Variants in PEAK1 observed in about 807,000 individuals in gnomAD.
The protein encoded by PEAK1 is pseudopodium enriched atypical kinase 1, also known as inactive tyrosine-protein kinase PEAK1.
Under a neutral mutation model 124.7 loss-of-function variants are expected in PEAK1, and 54 were observed. That is an observed-to-expected ratio of 0.43 (90% CI 0.35 to 0.54). The LOEUF is 0.54. Ranked by LOEUF, PEAK1 falls within the 20% of genes least tolerant of loss-of-function variation. The pLI, the probability that PEAK1 is intolerant of heterozygous loss-of-function variation, is 0.01. For missense variants in PEAK1, 2,046 were observed against 2,134.5 expected (o/e 0.96, Z 0.82); for synonymous variants, 719 against 760.0 (o/e 0.95, Z 0.89).
At chr15:77,419,385 G>A (rs2073170786) in intron 1 of PEAK1, 2 of 985,204 alleles carry the variant, frequency 2.0e-6, no homozygotes, top group Non-Finnish European at 1.2e-6. Flanking sequence ...TGGGTCAAAG[G>A]GCAGAAAAGA....
intron 6 of PEAK1, among the ~76,000 whole-genome samples, chr15:77,183,287 T>G (rs1274292609): frequency 6.6e-6 from 1 of 152,220 alleles, no homozygotes; most frequent in Non-Finnish European, 1.5e-5. Context: ...AATGGAGAGA[T>G]GAGTAGCTAT....
intron 1 of PEAK1, among the ~76,000 whole-genome samples, chr15:77,376,563 C>T (rs771109463): frequency 7.2e-5 from 11 of 152,272 alleles, no homozygotes; most frequent in Admixed American, 2.0e-4. Context: ...CAGCCTCTTT[C>T]TGGAAACATT....
In PEAK1 at chr15:77,180,003, T is replaced by C; in HGVS notation, c.1924A>G (p.Lys642Glu). 6.2e-7 allele frequency: 1 copy of C among 1,614,148 alleles called. No homozygotes were observed. The highest frequency in any genetic ancestry group is 2.2e-5 in the East Asian group (1 of 44,892). ...TCTCCACTTGTTCCCAGAAAACTTT[T>C]GTAGATAGCTAGATTGTCATATGCA... The part of the protein sequence containing the change: ...PNAYDNLAIY[K>E]SFLGTSGELS... The change falls in exon 7 of 10, where the codon AAA becomes GAA. Residue 642 changes from lysine to glutamate, a missense_variant. Physicochemically the swap from Lys to Glu is moderately conservative, Grantham distance 56 (BLOSUM62 1). Transcript: ENST00000682557.
chr15:77,257,557 C>T (rs1479648913), intron 5 of PEAK1, among the ~76,000 whole-genome samples: 1 of 151,428 alleles, frequency 6.6e-6, no homozygotes, highest in Non-Finnish European at 1.5e-5. Context: ...GTCCTTCGCC[C>T]ACTTTTTGAT....
At chr15:77,212,224 G>A (rs942309072) in intron 6 of PEAK1, among the ~76,000 whole-genome samples, 12 of 152,250 alleles carry the variant, frequency 7.9e-5, no homozygotes, top group African/African-American at 2.9e-4. Context: ...AAGCCATTAG[G>A]GTGCCTAAGC....
At chr15:77,169,607 T>C (rs2056365350) in intron 7 of PEAK1, among the ~76,000 whole-genome samples, 2 of 152,184 alleles carry the variant, frequency 1.3e-5, no homozygotes, top group African/African-American at 4.8e-5. Flanking sequence ...TACTTGGCTG[T>C]TCTAAAGCGA....
chr15:77,209,068 C>T (rs1313545675), intron 6 of PEAK1, among the ~76,000 whole-genome samples: 1 of 152,126 alleles, frequency 6.6e-6, no homozygotes, highest in African/African-American at 2.4e-5. Flanking sequence ...GATTCAACTA[C>T]TTACTGGCAT....
intron 2 of PEAK1, among the ~76,000 whole-genome samples, chr15:77,342,288 A>G (rs942966334): frequency 6.6e-6 from 1 of 151,956 alleles, no homozygotes; most frequent in Non-Finnish European, 1.5e-5. Flanking sequence ...CAAATCTGAA[A>G]CTTATACCCA....
At chr15:77,380,594 T>A (rs1210710471) in intron 1 of PEAK1, among the ~76,000 whole-genome samples, 3 of 152,098 alleles carry the variant, frequency 2.0e-5, no homozygotes, top group African/African-American at 7.2e-5. Flanking sequence ...TCCTCCCACC[T>A]CAGCCTCCCA....
intron 2 of PEAK1, chr15:77,347,100 A>C: frequency 1.8e-6 from 1 of 561,450 alleles, no homozygotes; most frequent in Non-Finnish European, 2.3e-6. Flanking sequence ...AAGGAGTAGA[A>C]GACTTGCAAG....
rs1364169839 is a variant in PEAK1 at position 77,262,826 on chromosome 15, A to G, written c.-274-10300T>C. On this transcript the variant is annotated intron_variant, in intron 5 of 9. Transcript: ENST00000682557. The stretch of plus-strand genomic sequence containing the variant: ...TTTTTTTCAGCACCACACCACACCT[A>G]TTCCAAAATTGACCACATAGTTGGA... Among the ~76,000 whole-genome samples, 3 of 152,252 alleles carry G rather than the reference A, an allele frequency of 2.0e-5. No individual in the cohort carries two copies. In the East Asian group the frequency reaches 5.8e-4, roughly 29 times the overall value.
chr15:77,301,610 A>G (rs1001594548), intron 2 of PEAK1, among the ~76,000 whole-genome samples: 1 of 152,188 alleles, frequency 6.6e-6, no homozygotes, highest in Non-Finnish European at 1.5e-5. Context: ...CCACACAGGT[A>G]AAGTGTCATT....
At chr15:77,360,681 A>C (rs2067832584) in intron 2 of PEAK1, among the ~76,000 whole-genome samples, 1 of 152,174 alleles carries the variant, frequency 6.6e-6, no homozygotes, top group Non-Finnish European at 1.5e-5. Flanking sequence ...CTATGTGTGA[A>C]TTTTGGTATA....
intron 2 of PEAK1, among the ~76,000 whole-genome samples, chr15:77,338,279 T>C (rs1358252829): frequency 6.6e-6 from 1 of 152,202 alleles, no homozygotes; most frequent in Non-Finnish European, 1.5e-5. Context: ...TTCATCAGCA[T>C]AAATAATTAG....
intron 2 of PEAK1, among the ~76,000 whole-genome samples, chr15:77,289,704 C>CGCTTCAGCCTGGGCA (rs2063115118): frequency 6.6e-6 from 1 of 151,998 alleles, no homozygotes; most frequent in African/African-American, 2.4e-5. Context: ...GGCATGGTGG[C>CGCTTCAGCCTGGGCA]ACAAGCCTGT....
chr15:77,185,167 T>C (rs1205953120), intron 6 of PEAK1, among the ~76,000 whole-genome samples: 1 of 152,216 alleles, frequency 6.6e-6, no homozygotes, highest in Non-Finnish European at 1.5e-5. Flanking sequence ...CAAATGATTA[T>C]GGAGCCATTT....
At position 77,320,883 on chromosome 15, in the gene PEAK1, C is replaced by T. The variant is rs556916068; in HGVS notation, c.-602-34379G>A. On this transcript the variant is annotated intron_variant, in intron 2 of 9. Coordinates refer to ENST00000682557, the MANE Select transcript of PEAK1 (RefSeq NM_001385026.1). ...GTCCATGTGTTCTCATTGTTCAATT[C>T]CCACCTATGAGTGAGAGCATGCGGT... Among the ~76,000 whole-genome samples, 62 of 150,922 alleles carry T rather than the reference C, an allele frequency of 4.1e-4. 2 individuals carry two copies. Among genetic ancestry groups the T allele is most frequent in the African/African-American group, 1.4e-3 (57 of 41,144 alleles).
In PEAK1 at chr15:77,181,124, C is replaced by T. The variant is rs770789027; in HGVS notation, c.803G>A (p.Gly268Glu). 1 of 1,614,146 alleles carries T rather than the reference C, an allele frequency of 6.2e-7. No individual in the cohort carries two copies. The highest frequency in any genetic ancestry group is 1.1e-5 in the South Asian group (1 of 91,076). Reference protein sequence around the residue: ...ELLAMEIRMRGQPRFANFRAN... With the variant: ...ELLAMEIRMREQPRFANFRAN... The stretch of plus-strand genomic sequence containing the variant: ...TCTGAAGTTGGCAAAGCGAGGTTGC[C>T]CTCTCATGCGAATCTCCATGGCCAA... The change falls in exon 7 of 10, where the codon GGG (glycine) becomes GAG (glutamate). Residue 268 changes from glycine (G) to glutamate (E), a missense_variant. Coordinates refer to ENST00000682557, the MANE Select transcript of PEAK1 (RefSeq NM_001385026.1).
rs529630962 is a variant in PEAK1 at position 77,152,341 on chromosome 15, A to G, written c.3331+6162T>C. Among the ~76,000 whole-genome samples, 315 of 152,090 alleles carry G rather than the reference A, an allele frequency of 2.1e-3. 1 individual carries two copies. Among genetic ancestry groups the G allele is most frequent in the African/African-American group, 7.2e-3 (300 of 41,452 alleles). ...TGTGATTTTTGTACATTGATTTTGT[A>G]TCCTGAGACTTTGCTGAAGTTGCTT... On this transcript the variant is annotated intron_variant, in intron 8 of 9. Transcript: ENST00000682557.
Sources: gnomAD v4.1 joint callset for allele counts (sites outside exome capture counted in the v4.1 genomes callset) on GRCh38, gnomAD v4.1.1 for gene constraint, MANE v1.5 for transcripts, NCBI Gene and HGNC (gene_info 2026-07-23, HGNC 2026-07-21) for gene names.